CDYL: variants seen among roughly 807,000 people sequenced by gnomAD.
CDYL encodes the protein chromodomain Y-like protein.
In CDYL, 8 loss-of-function variants were observed where a neutral mutation model predicts 47.3. The ratio of observed to expected loss-of-function variants is 0.17; its 90% confidence interval spans 0.10 to 0.31. The LOEUF (loss-of-function observed/expected upper bound fraction) is 0.31, where lower values mean the gene tolerates loss of function less well. CDYL is among the 10% of genes least tolerant of loss of function. The probability of loss-of-function intolerance (pLI) is 1.00; values close to 1 mark genes in which losing one functional copy is unlikely to be tolerated. For missense variants in CDYL, 471 were observed against 701.4 expected (o/e 0.67, Z 3.71); for synonymous variants, 266 against 265.0 (o/e 1.00, Z -0.04).
chr6:4,901,402 G>C (rs1448671162), intron 2 of CDYL, among the ~76,000 whole-genome samples: 1 of 152,118 alleles, frequency 6.6e-6, no homozygotes, highest in African/African-American at 2.4e-5. Context: ...TCCTCCAGTG[G>C]CATGCTGTAC....
chr6:4,894,962 CG>C (rs1561692549), intron 2 of CDYL, among the ~76,000 whole-genome samples: 28 of 42,258 alleles, frequency 6.6e-4, no homozygotes, highest in East Asian at 3.2e-3. Flanking sequence ...TGTATATATA[CG>C]TATGTGTATA....
rs561411131 is a variant in CDYL, at chr6:4,722,854, G to C, written c.103+6973G>C. Among the ~76,000 whole-genome samples, 4 of 152,318 alleles carry C rather than the reference G, an allele frequency of 2.6e-5. No individual in the cohort carries two copies. In the South Asian group the frequency reaches 8.3e-4, roughly 32 times the overall value. On this transcript the variant is annotated intron_variant, in intron 2 of 8. Coordinates refer to the CDYL transcript ENST00000328908. ...ATCGTGCCACCGTACTCCAGCCTGGGTGATAAGAGTGAGACATTGTCTCAA... is the reference window on the plus strand; with the variant it reads ...ATCGTGCCACCGTACTCCAGCCTGGCTGATAAGAGTGAGACATTGTCTCAA...
intron 3 of CDYL, among the ~76,000 whole-genome samples, chr6:4,739,195 A>G (rs1014978751): frequency 2.7e-5 from 4 of 145,850 alleles, no homozygotes; most frequent in Admixed American, 1.3e-4. Context: ...AATAATAAAA[A>G]TAAAATAAAA....
chr6:4,921,963 T>C (rs1180720492), intron 2 of CDYL, among the ~76,000 whole-genome samples: 3 of 152,192 alleles, frequency 2.0e-5, no homozygotes, highest in Admixed American at 6.5e-5. Context: ...CACTCATTTT[T>C]CCACCACTTT....
chr6:4,754,564 TAAAC>T, intron 3 of CDYL, among the ~76,000 whole-genome samples: 1 of 152,332 alleles, frequency 6.6e-6, no homozygotes, highest in Middle Eastern at 3.4e-3. Context: ...CTGAGTATAT[TAAAC>T]AAAAGAGTTT....
At chr6:4,825,348 T>G (rs562915546) in intron 1 of CDYL, among the ~76,000 whole-genome samples, 36 of 152,312 alleles carry the variant, frequency 2.4e-4, no homozygotes, top group East Asian at 1.7e-3. Flanking sequence ...TCGTGTCCTA[T>G]ATATAGAATT....
At chr6:4,846,116 TACA>T (rs1760648465) in intron 1 of CDYL, among the ~76,000 whole-genome samples, 1 of 151,978 alleles carries the variant, frequency 6.6e-6, no homozygotes, top group Non-Finnish European at 1.5e-5. Context: ...ATGTGAATAC[TACA>T]ATTTTATAAA....
chr6:4,886,199 A>C (rs920241017), intron 1 of CDYL, among the ~76,000 whole-genome samples: 1 of 152,202 alleles, frequency 6.6e-6, no homozygotes, highest in Non-Finnish European at 1.5e-5. Flanking sequence ...CAGTGCTGCT[A>C]TGAACATTCT....
At chr6:4,882,520 G>A (rs1230642472) in intron 1 of CDYL, among the ~76,000 whole-genome samples, 2 of 152,158 alleles carry the variant, frequency 1.3e-5, no homozygotes, top group East Asian at 1.9e-4. Context: ...GAGAGAAATT[G>A]ATAACCACCA....
chr6:4,943,830 GTT>G lies in CDYL; in HGVS notation c.1332+78_1332+79del, dbSNP rs944674130. ...CCTGAAGAAATCTAGTTTGGTTATT[GTT>G]TTTCTAAAGCTGTACAGTGTGTCAT... is the stretch of plus-strand genomic sequence containing the variant. On this transcript the variant is annotated intron_variant, in intron 5 of 6. Coordinates refer to ENST00000397588, the MANE Select transcript of CDYL (RefSeq NM_004824.4). The G allele has an allele frequency of 4.5e-5, 53 of 1,179,130 alleles. No individual in the cohort carries two copies. The African/African-American group carries it at 7.3e-4, about 16-fold the overall frequency. The allele number at this position is 1,179,130 out of a possible 1,614,324, so 73.0% of individuals were successfully genotyped here.
chr6:4,938,771 A>G (rs77058239), intron 4 of CDYL, among the ~76,000 whole-genome samples: 6,992 of 152,262 alleles, frequency 0.046, 539 homozygotes, highest in African/African-American at 0.16. Flanking sequence ...TCATGTGACA[A>G]TATGACTTTG....
intron 3 of CDYL, among the ~76,000 whole-genome samples, chr6:4,759,095 A>G (rs916239386): frequency 7.9e-5 from 12 of 151,040 alleles, no homozygotes; most frequent in Non-Finnish European, 1.8e-4. Context: ...CAGCCTCCCG[A>G]GTAGCTGGGA....
intron 2 of CDYL, among the ~76,000 whole-genome samples, chr6:4,900,890 C>T (rs1413203671): frequency 7.4e-6 from 1 of 134,346 alleles, no homozygotes; most frequent in African/African-American, 2.8e-5. Flanking sequence ...CGTGAATGTA[C>T]CTGTCTTTGC....
intron 1 of CDYL, among the ~76,000 whole-genome samples, chr6:4,791,885 T>C (rs1245408150): frequency 2.6e-5 from 2 of 76,256 alleles, no homozygotes; most frequent in East Asian, 2.8e-4. Context: ...ATTGTAGAAT[T>C]TTTTTTTTTT....
At chr6:4,706,666 G>A (rs1339335714) in intron 1 of CDYL, among the ~76,000 whole-genome samples, 2 of 152,148 alleles carry the variant, frequency 1.3e-5, no homozygotes, top group African/African-American at 4.8e-5. Context: ...GTGCGCGCCT[G>A]TAATTCCAGT....
chr6:4,910,982 T>C (rs192162117), intron 2 of CDYL, among the ~76,000 whole-genome samples: 3,913 of 152,170 alleles, frequency 0.026, 71 homozygotes, highest in Middle Eastern at 0.054. Flanking sequence ...TACAGGCGCC[T>C]GCCACCACGC....
chr6:4,736,629 T>C (rs901633290), intron 3 of CDYL, among the ~76,000 whole-genome samples: 1 of 150,226 alleles, frequency 6.7e-6, no homozygotes. Context: ...TCCCTAGGAG[T>C]GGAGAGACAT....
chr6:4,843,646 CTAAG>C (rs1286906305), intron 1 of CDYL, among the ~76,000 whole-genome samples: 1 of 151,516 alleles, frequency 6.6e-6, no homozygotes, highest in Non-Finnish European at 1.5e-5. Flanking sequence ...TTGCATTTCT[CTAAG>C]TGTGTTTTTC....
intron 1 of CDYL, among the ~76,000 whole-genome samples, chr6:4,844,770 A>G (rs1760604254): frequency 6.6e-6 from 1 of 152,106 alleles, no homozygotes; most frequent in Non-Finnish European, 1.5e-5. Context: ...GTAGCTTATG[A>G]GTTCAGAGCA....
Sources: gnomAD v4.1 joint callset for allele counts (sites outside exome capture counted in the v4.1 genomes callset) on GRCh38, gnomAD v4.1.1 for gene constraint, MANE v1.5 for transcripts, NCBI Gene and HGNC (gene_info 2026-07-23, HGNC 2026-07-21) for gene names.